Variants in ZFAND6 observed in about 807,000 individuals in gnomAD.
ZFAND6 encodes zinc finger AN1-type containing 6.
A neutral mutation model predicts 24.5 loss-of-function variants in ZFAND6; 12 were observed. The observed-to-expected ratio is 0.49, with a 90% CI of 0.31 to 0.79. ZFAND6 has a LOEUF of 0.79. Ranked by LOEUF, ZFAND6 falls within the 30% of genes least tolerant of loss-of-function variation. The pLI is 0.04. For synonymous variants in ZFAND6, 92 were observed against 81.5 expected (o/e 1.13, Z -0.69); for missense variants, 207 against 245.9 (o/e 0.84, Z 1.06).
At chr15:80,068,285 C>T (rs1429553253) in intron 1 of ZFAND6, among the ~76,000 whole-genome samples, 1 of 151,718 alleles carries the variant, frequency 6.6e-6, no homozygotes, top group African/African-American at 2.4e-5. Context: ...GTAGCTGGGA[C>T]TACAGGCGCG....
At chr15:80,074,474 A>G (rs2037152376) in intron 1 of ZFAND6, among the ~76,000 whole-genome samples, 1 of 151,836 alleles carries the variant, frequency 6.6e-6, no homozygotes, top group Non-Finnish European at 1.5e-5. Flanking sequence ...GCCAGTTAAC[A>G]TTAGGAGACT....
intron 1 of ZFAND6, among the ~76,000 whole-genome samples, chr15:80,070,907 C>T (rs1480008089): frequency 1.3e-5 from 2 of 151,962 alleles, no homozygotes; most frequent in African/African-American, 4.8e-5. Context: ...TGCTTCTGTA[C>T]CTCCTCTGCT....
intron 5 of ZFAND6, among the ~76,000 whole-genome samples, chr15:80,127,194 T>C (rs747837477): frequency 6.6e-6 from 1 of 152,010 alleles, no homozygotes; most frequent in Non-Finnish European, 1.5e-5. Context: ...TATAAATAAT[T>C]ACAATTCAAC....
intron 1 of ZFAND6, among the ~76,000 whole-genome samples, chr15:80,063,160 G>C (rs947536879): frequency 6.6e-6 from 1 of 152,050 alleles, no homozygotes; most frequent in Admixed American, 6.5e-5. Flanking sequence ...GAAATACAAC[G>C]TTAGTCACAA....
intron 1 of ZFAND6, among the ~76,000 whole-genome samples, chr15:80,067,491 T>G (rs1257740674): frequency 2.0e-5 from 3 of 152,212 alleles, no homozygotes; most frequent in African/African-American, 7.2e-5. Flanking sequence ...TTGTAACAAC[T>G]CCAGTTCATT....
intron 6 of ZFAND6, among the ~76,000 whole-genome samples, chr15:80,136,898 C>G (rs1221697711): frequency 2.0e-5 from 3 of 152,132 alleles, no homozygotes; most frequent in Non-Finnish European, 4.4e-5. Context: ...TATTATTATT[C>G]CAAAATTACA....
chr15:80,086,647 A>C (rs1282415555), intron 1 of ZFAND6, among the ~76,000 whole-genome samples: 1 of 152,250 alleles, frequency 6.6e-6, no homozygotes, highest in African/African-American at 2.4e-5. Context: ...TCATTAGCTT[A>C]ATCTTTTATT....
At chr15:80,132,509 A>G (rs939119084) in intron 6 of ZFAND6, among the ~76,000 whole-genome samples, 1 of 152,200 alleles carries the variant, frequency 6.6e-6, no homozygotes, top group African/African-American at 2.4e-5. Flanking sequence ...GGTATATACT[A>G]TACTTCTCTA....
At position 80,137,630 on chromosome 15, in the gene ZFAND6, C is replaced by T; in HGVS notation, c.*2C>T. The T allele has an allele frequency of 6.4e-7, 1 of 1,570,414 alleles. No homozygotes were observed. Among genetic ancestry groups the T allele is most frequent in the Non-Finnish European group, 8.6e-7 (1 of 1,165,690 alleles). Reference sequence around the variant, plus strand: ...GGTGAAAAGATCCAAAAGATTTGAACTCCTGCTGGAATACAAAATTCTTGA... The same window carrying T: ...GGTGAAAAGATCCAAAAGATTTGAATTCCTGCTGGAATACAAAATTCTTGA... On this transcript the variant is annotated 3_prime_UTR_variant, in exon 7 of 7. Coordinates refer to ENST00000261749, the MANE Select transcript of ZFAND6 (RefSeq NM_019006.4).
intron 2 of ZFAND6, among the ~76,000 whole-genome samples, chr15:80,107,226 T>C (rs1426540465): frequency 6.6e-6 from 1 of 151,240 alleles, no homozygotes; most frequent in Non-Finnish European, 1.5e-5. Context: ...AAAAAAAAAA[T>C]AGATTTAGTA....
At chr15:80,134,519 A>G (rs1450707438) in intron 6 of ZFAND6, among the ~76,000 whole-genome samples, 1 of 152,244 alleles carries the variant, frequency 6.6e-6, no homozygotes, top group Non-Finnish European at 1.5e-5. Context: ...ATCATTGAAG[A>G]TACCATTATT....
At chr15:80,097,475 CTG>C (rs1359266073) in intron 1 of ZFAND6, among the ~76,000 whole-genome samples, 1 of 151,994 alleles carries the variant, frequency 6.6e-6, no homozygotes, top group African/African-American at 2.4e-5. Context: ...TGGTGAAACT[CTG>C]TTTCTACAAA....
At chr15:80,106,864 G>A (rs2039355113) in intron 2 of ZFAND6, among the ~76,000 whole-genome samples, 1 of 152,128 alleles carries the variant, frequency 6.6e-6, no homozygotes, top group Non-Finnish European at 1.5e-5. Context: ...CTGGGGTGAC[G>A]TATCTCAAAA....
At chr15:80,115,202 CAT>C (rs1280317483) in intron 2 of ZFAND6, 2 of 152,032 alleles carry the variant, frequency 1.3e-5, no homozygotes, top group Non-Finnish European at 2.9e-5. Context: ...GTTCCTGGCA[CAT>C]AGTAAACTCT....
intron 1 of ZFAND6, among the ~76,000 whole-genome samples, chr15:80,065,952 A>G (rs995205868): frequency 1.3e-5 from 2 of 152,226 alleles, no homozygotes; most frequent in East Asian, 1.9e-4. Flanking sequence ...AGCTTTAGCT[A>G]TATTACTTAA....
chr15:80,088,050 G>T (rs531617872), intron 1 of ZFAND6, among the ~76,000 whole-genome samples: 39 of 152,100 alleles, frequency 2.6e-4, no homozygotes, highest in African/African-American at 8.9e-4. Flanking sequence ...TCAAAATCAG[G>T]AATTTTAACT....
chr15:80,071,818 G>A (rs1358168728), intron 1 of ZFAND6, among the ~76,000 whole-genome samples: 3 of 151,446 alleles, frequency 2.0e-5, no homozygotes, highest in Non-Finnish European at 2.9e-5. Context: ...TAGAACATGT[G>A]CCTTTTGCTT....
chr15:80,137,446 T>C, intron 6 of ZFAND6, 34 bp from the exon 7 acceptor site: 1 of 1,578,496 alleles, frequency 6.3e-7, no homozygotes, highest in Non-Finnish European at 8.5e-7. Context: ...TATTTCATCC[T>C]TCAACTCATG....
intron 2 of ZFAND6, among the ~76,000 whole-genome samples, chr15:80,100,747 T>C (rs976277680): frequency 2.0e-5 from 3 of 152,226 alleles, no homozygotes; most frequent in African/African-American, 7.2e-5. Flanking sequence ...TTTACTGTTG[T>C]ATAATGCAGT....
Sources: allele counts gnomAD v4.1 joint callset (sites outside exome capture counted in the v4.1 genomes callset), GRCh38; gene constraint gnomAD v4.1.1; transcripts MANE v1.5; gene names NCBI Gene and HGNC (gene_info 2026-07-23, HGNC 2026-07-21).